The following FRMD4B variants were observed in gnomAD, a reference collection of about 807,000 sequenced individuals.
FRMD4B encodes the protein FERM domain-containing protein 4B.
In FRMD4B, 74 loss-of-function variants were observed where a neutral mutation model predicts 141.5. The observed-to-expected ratio is 0.52, with a 90% CI of 0.43 to 0.63. The LOEUF is 0.63. FRMD4B is among the 30% of genes least tolerant of loss of function. The probability of loss-of-function intolerance (pLI) is 0.00; values close to 1 mark genes in which losing one functional copy is unlikely to be tolerated. For missense variants in FRMD4B, 1,366 were observed against 1,253.4 expected, an observed-to-expected ratio of 1.09 and a Z score of -1.36; for synonymous variants, 506 against 467.9, an observed-to-expected ratio of 1.08 and a Z score of -1.05.
chr3:69,344,831 A>T (rs1255829680), intron 1 of FRMD4B, among the ~76,000 whole-genome samples: 1 of 152,198 alleles, frequency 6.6e-6, no homozygotes, highest in Non-Finnish European at 1.5e-5. Flanking sequence ...ACTTACAAGA[A>T]AAAAAGAAAA....
intron 11 of FRMD4B, among the ~76,000 whole-genome samples, chr3:69,204,721 G>A (rs1264433117): frequency 6.6e-6 from 1 of 152,120 alleles, no homozygotes; most frequent in African/African-American, 2.4e-5. Context: ...ACAGGCTGTC[G>A]AAGTGACAGT....
At chr3:69,206,926 A>G (rs1032928506) in intron 11 of FRMD4B, among the ~76,000 whole-genome samples, 3 of 152,144 alleles carry the variant, frequency 2.0e-5, no homozygotes, top group Admixed American at 1.3e-4. Context: ...AGATAGATGA[A>G]TTTAACAACT....
intron 4 of FRMD4B, among the ~76,000 whole-genome samples, chr3:69,291,447 C>G (rs1329895157): frequency 6.6e-6 from 1 of 152,186 alleles, no homozygotes; most frequent in African/African-American, 2.4e-5. Context: ...TAAAGCTGCA[C>G]TGGCCTATGG....
chr3:69,290,849 G>C (rs1700849677), intron 4 of FRMD4B, among the ~76,000 whole-genome samples: 1 of 152,140 alleles, frequency 6.6e-6, no homozygotes, highest in Admixed American at 6.5e-5. Context: ...CTTTGACTCT[G>C]TGGACAGTGC....
chr3:69,178,276 G>A (rs1271615428), intron 21 of FRMD4B, among the ~76,000 whole-genome samples: 1 of 152,156 alleles, frequency 6.6e-6, no homozygotes, highest in African/African-American at 2.4e-5. Context: ...ACTCATCTGT[G>A]GCCCTGGATG....
intron 2 of FRMD4B, among the ~76,000 whole-genome samples, chr3:69,312,188 A>AGTGATAATTGATGC (rs1701618508): frequency 6.6e-6 from 1 of 152,176 alleles, no homozygotes; most frequent in South Asian, 2.1e-4. Context: ...GAATGCCTGG[A>AGTGATAATTGATGC]GTGATAATTG....
At chr3:69,459,460 A>G (rs1009098629) in intron 1 of FRMD4B, among the ~76,000 whole-genome samples, 3 of 152,232 alleles carry the variant, frequency 2.0e-5, no homozygotes, top group African/African-American at 7.2e-5. Context: ...TAATCCTCTC[A>G]TACATTCATT....
At chr3:69,432,041 C>T (rs1266719992) in intron 2 of FRMD4B, among the ~76,000 whole-genome samples, 1 of 152,004 alleles carries the variant, frequency 6.6e-6, no homozygotes, top group Non-Finnish European at 1.5e-5. Flanking sequence ...AATGCTTATG[C>T]AACTGTTCAA....
intron 1 of FRMD4B, among the ~76,000 whole-genome samples, chr3:69,465,034 T>A (rs1705760888): frequency 6.6e-6 from 1 of 152,138 alleles, no homozygotes; most frequent in South Asian, 2.1e-4. Flanking sequence ...TCAAAAACAA[T>A]CTTCATCCAG....
intron 7 of FRMD4B, among the ~76,000 whole-genome samples, chr3:69,247,723 A>C (rs140914533): frequency 6.6e-6 from 1 of 152,210 alleles, no homozygotes; most frequent in South Asian, 2.1e-4. Flanking sequence ...ATCTCGGCTC[A>C]CTGCAAGCTC....
At chr3:69,470,771 C>CTAAA (rs1705875170) in intron 1 of FRMD4B, among the ~76,000 whole-genome samples, 1 of 152,090 alleles carries the variant, frequency 6.6e-6, no homozygotes, top group Non-Finnish European at 1.5e-5. Context: ...GTACTTTTTC[C>CTAAA]CCCTAGCTTT....
intron 7 of FRMD4B, among the ~76,000 whole-genome samples, chr3:69,226,616 T>C (rs1388879480): frequency 6.6e-6 from 1 of 152,148 alleles, no homozygotes; most frequent in Non-Finnish European, 1.5e-5. Flanking sequence ...TAGGCTATGT[T>C]TCAAGAACCC....
intron 1 of FRMD4B, among the ~76,000 whole-genome samples, chr3:69,360,163 C>T (rs1199791163): frequency 2.0e-5 from 3 of 151,498 alleles, no homozygotes; most frequent in Non-Finnish European, 4.4e-5. Context: ...TGGAAAATTT[C>T]AAGTACACAC....
At chr3:69,324,871 G>GGA (rs1553724193) in intron 1 of FRMD4B, among the ~76,000 whole-genome samples, 1 of 150,528 alleles carries the variant, frequency 6.6e-6, no homozygotes, top group Non-Finnish European at 1.5e-5. Context: ...GGCGGGGGGG[G>GGA]ATTGCTTGAG....
chr3:69,335,485 C>T (rs1399236060), intron 1 of FRMD4B, among the ~76,000 whole-genome samples: 1 of 151,066 alleles, frequency 6.6e-6, no homozygotes, highest in Non-Finnish European at 1.5e-5. Context: ...AATTCTCCTG[C>T]TTCAGCCTCC....
At chr3:69,493,556 C>T (rs573500337) in intron 1 of FRMD4B, among the ~76,000 whole-genome samples, 72 of 152,260 alleles carry the variant, frequency 4.7e-4, no homozygotes, top group Non-Finnish European at 7.6e-4. Context: ...TTTTAAGGTC[C>T]CAGAAGTTTG....
At chr3:69,260,306 C>A (rs1361211405) in intron 5 of FRMD4B, among the ~76,000 whole-genome samples, 3 of 152,210 alleles carry the variant, frequency 2.0e-5, no homozygotes, top group African/African-American at 7.2e-5. Context: ...GCACCGTGTT[C>A]GCGAGTTGGC....
intron 1 of FRMD4B, among the ~76,000 whole-genome samples, chr3:69,327,594 CTT>C (rs1702225893): frequency 1.3e-5 from 2 of 152,204 alleles, no homozygotes; most frequent in Non-Finnish European, 2.9e-5. Context: ...TTCCAAGTCT[CTT>C]TATTTTTTGT....
intron 1 of FRMD4B, among the ~76,000 whole-genome samples, chr3:69,482,398 C>G (rs921663711): frequency 1.3e-5 from 2 of 151,980 alleles, no homozygotes; most frequent in African/African-American, 4.8e-5. Flanking sequence ...TGCTCCCACA[C>G]TTAATGATCA....
Sources: gnomAD v4.1 joint callset for allele counts (sites outside exome capture counted in the v4.1 genomes callset) on GRCh38, gnomAD v4.1.1 for gene constraint, MANE v1.5 for transcripts, NCBI Gene and HGNC (gene_info 2026-07-23, HGNC 2026-07-21) for gene names.